The following SYNE2 variants were observed in gnomAD, a reference collection of about 807,000 sequenced individuals.
The protein encoded by SYNE2 is spectrin repeat containing nuclear envelope protein 2, also known as nesprin-2.
A neutral mutation model predicts 856.3 loss-of-function variants in SYNE2; 431 were observed. The observed-to-expected ratio is 0.50, with a 90% CI of 0.47 to 0.55. The LOEUF is 0.55. Ranked by LOEUF, SYNE2 falls within the 20% of genes least tolerant of loss-of-function variation. The probability of loss-of-function intolerance (pLI) is 0.00; values close to 1 mark genes in which losing one functional copy is unlikely to be tolerated. For synonymous variants in SYNE2, 2,923 were observed against 2,872.3 expected (o/e 1.02, Z -0.56); for missense variants, 8,129 against 8,023.2 (o/e 1.01, Z -0.50).
intron 10 of SYNE2, among the ~76,000 whole-genome samples, chr14:63,966,672 C>T (rs1353064672): frequency 2.0e-5 from 3 of 151,854 alleles, no homozygotes; most frequent in Non-Finnish European, 4.4e-5. Flanking sequence ...CACTCTCCCA[C>T]TTCTGCCTCT....
chr14:63,904,341 A>G (rs1226484728), intron 1 of SYNE2, among the ~76,000 whole-genome samples: 15 of 152,182 alleles, frequency 9.9e-5, no homozygotes, highest in Admixed American at 9.8e-4. Context: ...TATATGCAGT[A>G]ATAGGATTGC....
At position 64,225,693 on chromosome 14, in the gene SYNE2, C is replaced by T; in HGVS notation, c.*167C>T. The T allele has an allele frequency of 2.6e-6, 2 of 765,518 alleles. No homozygotes were observed. Among genetic ancestry groups the T allele is most frequent in the Non-Finnish European group, 4.4e-6 (2 of 449,710 alleles). 47.4% of individuals were successfully genotyped at this position (765,518 alleles called of 1,614,324 possible). A position where few individuals can be genotyped will look rare whatever the true frequency, so the allele number is the denominator to read the frequency against. On this transcript the variant is annotated 3_prime_UTR_variant, in exon 116 of 116. Transcript: ENST00000555002. ...GCTCCCTGGAGCCCAGGGCAGCTTT[C>T]AGATTGTGTTCCTCCCCAGGAGCAG... is the stretch of plus-strand genomic sequence containing the variant.
At chr14:64,157,917 A>T (rs1168312979) in intron 85 of SYNE2, among the ~76,000 whole-genome samples, 1 of 152,110 alleles carries the variant, frequency 6.6e-6, no homozygotes, top group African/African-American at 2.4e-5. Flanking sequence ...CCCAGTTTTT[A>T]GTTAGTTTAT....
chr14:63,959,359 T>C (rs903831551), intron 8 of SYNE2, among the ~76,000 whole-genome samples: 3 of 135,810 alleles, frequency 2.2e-5, no homozygotes, highest in Non-Finnish European at 4.6e-5. Flanking sequence ...GTGCAGCGGC[T>C]CAATCTCAGC....
At chr14:63,939,060 T>C (rs76229650) in intron 2 of SYNE2, among the ~76,000 whole-genome samples, 4,638 of 152,168 alleles carry the variant, frequency 0.03, 160 homozygotes, top group East Asian at 0.17. Context: ...AACTGGAGGT[T>C]GATGGTGGCA....
intron 51 of SYNE2, among the ~76,000 whole-genome samples, chr14:64,070,266 T>A (rs956813658): frequency 6.6e-6 from 1 of 152,226 alleles, no homozygotes; most frequent in Non-Finnish European, 1.5e-5. Context: ...AGAAAAATTT[T>A]CCATATCCAA....
chr14:63,782,196 A>G (rs958559262), intron 1 of SYNE2, among the ~76,000 whole-genome samples: 10 of 152,038 alleles, frequency 6.6e-5, no homozygotes, highest in Middle Eastern at 3.4e-3. Context: ...ATTGGGGGCC[A>G]GGCACAGTGG....
intron 84 of SYNE2, among the ~76,000 whole-genome samples, chr14:64,150,332 G>T (rs909316003): frequency 1.0e-5 from 1 of 95,266 alleles, no homozygotes; most frequent in African/African-American, 3.8e-5. Context: ...GGATCCTCCC[G>T]CCTCAGCCTC....
At chr14:63,777,451 C>T (rs529777257) in intron 1 of SYNE2, among the ~76,000 whole-genome samples, 80 of 152,246 alleles carry the variant, frequency 5.3e-4, no homozygotes, top group Non-Finnish European at 1.0e-3. Flanking sequence ...GGGAGGATTG[C>T]TTGTGCTCAG....
rs1049965581 is a variant in SYNE2, at chr14:63,856,817, G to T, written c.-52+3674G>T. Among the ~76,000 whole-genome samples, 4 of 152,234 alleles carry T rather than the reference G, an allele frequency of 2.6e-5. No homozygotes were observed. The East Asian group carries it at 7.7e-4, about 29-fold the overall frequency. On this transcript the variant is annotated intron_variant, in intron 1 of 115. Coordinates refer to ENST00000555002, the MANE Select transcript of SYNE2 (RefSeq NM_182914.3). ...GACAAGGTCTCGTTCTATCACCCAGGCTGGAGTACAGTGGTGCGATCATGG... is the reference window on the plus strand; with the variant it reads ...GACAAGGTCTCGTTCTATCACCCAGTCTGGAGTACAGTGGTGCGATCATGG...
chr14:64,019,682 C>T (rs903572660), intron 34 of SYNE2, among the ~76,000 whole-genome samples: 13 of 152,042 alleles, frequency 8.6e-5, no homozygotes, highest in Non-Finnish European at 1.6e-4. Context: ...CGTGCAGATG[C>T]GCACACACGG....
At chr14:63,842,796 A>G (rs535966181) in intron 1 of SYNE2, among the ~76,000 whole-genome samples, 1 of 152,066 alleles carries the variant, frequency 6.6e-6, no homozygotes, top group Non-Finnish European at 1.5e-5. Context: ...TGACATCTTT[A>G]TGATTATATT....
intron 55 of SYNE2, among the ~76,000 whole-genome samples, chr14:64,078,832 G>A (rs932977536): frequency 6.6e-6 from 1 of 152,214 alleles, no homozygotes; most frequent in Admixed American, 6.5e-5. Context: ...AGCACTTTGG[G>A]AGGCCAAGGT....
rs775631865 is a variant in SYNE2, at chr14:63,991,205, A to G, written c.2646+90A>G. The G allele has an allele frequency of 3.3e-4, 413 of 1,270,006 alleles. No individual in the cohort carries two copies. The Middle Eastern group carries it at 6.1e-3, about 19-fold the overall frequency. 78.7% of individuals were successfully genotyped at this position (1,270,006 alleles called of 1,614,324 possible). On this transcript the variant is annotated intron_variant, in intron 21 of 115. Transcript: ENST00000555002. ...AAGATGTTTCCTTCACTGTAATTAT[A>G]TACTGAGTTACTGTAACTTAAAAAG...
intron 32 of SYNE2, among the ~76,000 whole-genome samples, chr14:64,013,104 C>T (rs76323732): frequency 0.03 from 4,492 of 152,244 alleles, 220 homozygotes; most frequent in African/African-American, 0.1. Context: ...TTATTTTACT[C>T]CTTCCATTCG....
At chr14:64,211,358 T>C (rs2098640109) in intron 103 of SYNE2, among the ~76,000 whole-genome samples, 1 of 152,216 alleles carries the variant, frequency 6.6e-6, no homozygotes, top group Non-Finnish European at 1.5e-5. Flanking sequence ...GATCTGAACA[T>C]CAGCTGCCTA....
chr14:64,216,261 G>C lies in SYNE2; in HGVS notation c.19416G>C (p.Ser6472=). ...CTTTCGTTTCAGGTAAATCCATTTC[G>C]GATGGCCACTCGTGGCATGTTCCCG... ...TLKASSGKSI[S]DGHSWHVPDS... The change falls in exon 108 of 116, where the codon TCG becomes TCC. Residue 6472 remains serine, a synonymous_variant. Coordinates refer to ENST00000555002, the MANE Select transcript of SYNE2 (RefSeq NM_182914.3). The C allele has an allele frequency of 6.2e-7, 1 of 1,614,104 alleles. No individual in the cohort carries two copies. Among genetic ancestry groups the C allele is most frequent in the Non-Finnish European group, 8.5e-7 (1 of 1,180,036 alleles).
At chr14:63,771,149 A>C (rs977936098) in intron 1 of SYNE2, among the ~76,000 whole-genome samples, 1 of 144,694 alleles carries the variant, frequency 6.9e-6, no homozygotes, top group Non-Finnish European at 1.5e-5. Flanking sequence ...GGCTCACTGC[A>C]AGCTCCGCCT....
intron 1 of SYNE2, among the ~76,000 whole-genome samples, chr14:63,807,819 T>TTATATA (rs71120288): frequency 0.011 from 268 of 25,448 alleles, 15 homozygotes; most frequent in East Asian, 0.014. Flanking sequence ...TACTCCAGGC[T>TTATATA]TATATATATA....
Sources: gnomAD v4.1 joint callset for allele counts (sites outside exome capture counted in the v4.1 genomes callset) on GRCh38, gnomAD v4.1.1 for gene constraint, MANE v1.5 for transcripts, NCBI Gene and HGNC (gene_info 2026-07-23, HGNC 2026-07-21) for gene names.